Variants in UPRT observed in about 807,000 individuals in gnomAD.
UPRT encodes uracil phosphoribosyltransferase homolog.
Under a neutral mutation model 22.6 loss-of-function variants are expected in UPRT, and 5 were observed. The observed-to-expected ratio is 0.22, with a 90% confidence interval of 0.12 to 0.47. The LOEUF (loss-of-function observed/expected upper bound fraction) is 0.47, where lower values mean the gene tolerates loss of function less well. Among genes scored for constraint, UPRT ranks in the 20% least tolerant of loss-of-function variants. The pLI, the probability that UPRT is intolerant of heterozygous loss-of-function variation, is 0.99. For synonymous variants in UPRT, 77 were observed against 87.7 expected (o/e 0.88, Z 0.68); for missense variants, 181 against 239.9 (o/e 0.75, Z 1.62).
chrX:75,207,155 A>G (rs58440574), intron 4 of UPRT, among the ~76,000 whole-genome samples: 1,637 of 110,860 alleles, frequency 0.015, 27 homozygotes, highest in African/African-American at 0.051. Flanking sequence ...TAGTTAGAAA[A>G]CCCCTTTCCT....
At chrX:75,185,035 T>C (rs1217216859) in intron 4 of UPRT, among the ~76,000 whole-genome samples, 1 of 111,427 alleles carries the variant, frequency 9.0e-6, no homozygotes, top group Non-Finnish European at 1.9e-5. Flanking sequence ...CTGATTGCCC[T>C]GGCCAGAACT....
intron 1 of UPRT, among the ~76,000 whole-genome samples, chrX:75,275,792 C>G (rs1259602233): frequency 9.0e-6 from 1 of 111,247 alleles, no homozygotes; most frequent in Non-Finnish European, 1.9e-5. Context: ...TTACTGTACC[C>G]TCATACTTCT....
rs761841669 is a variant in UPRT, at chrX:75,234,480, T to C, written c.-446-56544T>C. Among the ~76,000 whole-genome samples, 17 of 111,493 alleles carry C rather than the reference T, an allele frequency of 1.5e-4. No homozygotes were observed. The South Asian group carries it at 6.4e-3, about 42-fold the overall frequency. Reference sequence around the variant, plus strand: ...CACTCTACCCCAAATCAACAGAATATACATTTTTTTCAGCACCACACCACA... The same window carrying C: ...CACTCTACCCCAAATCAACAGAATACACATTTTTTTCAGCACCACACCACA... On this transcript the variant is annotated intron_variant, in intron 4 of 13. Transcript: ENST00000652605.
At chrX:75,210,181 T>C (rs1233444328) in intron 4 of UPRT, among the ~76,000 whole-genome samples, 1 of 111,783 alleles carries the variant, frequency 8.9e-6, no homozygotes, top group African/African-American at 3.3e-5. Context: ...AGAAGTTGCC[T>C]GATAATCCCA....
intron 4 of UPRT, among the ~76,000 whole-genome samples, chrX:75,263,402 T>C (rs996182157): frequency 9.0e-6 from 1 of 111,702 alleles, no homozygotes; most frequent in African/African-American, 3.3e-5. Flanking sequence ...TCAGAGCCTG[T>C]TATTGGTCTA....
At chrX:75,274,775 G>GGTGTGTGTGTGT (rs201034223) in intron 1 of UPRT, 135 bp downstream of exon 1, 115 of 361,662 alleles carry the variant, frequency 3.2e-4, no homozygotes, top group African/African-American at 2.7e-3. Flanking sequence ...CCTTTTATTT[G>GGTGTGTGTGTGT]GTGTGTGTGT....
chrX:75,184,238 A>G (rs1469185004), intron 4 of UPRT, among the ~76,000 whole-genome samples: 2 of 112,162 alleles, frequency 1.8e-5, no homozygotes, highest in African/African-American at 6.5e-5. Context: ...AGCTTTCTAC[A>G]TCTGGCTTGC....
chrX:75,239,207 A>G (rs1055609771), intron 4 of UPRT, among the ~76,000 whole-genome samples: 1 of 111,867 alleles, frequency 8.9e-6, no homozygotes, highest in South Asian at 3.7e-4. Flanking sequence ...GTGATAGACC[A>G]TTAGCAAGAT....
At chrX:75,265,869 T>A (rs747059448) in intron 4 of UPRT, among the ~76,000 whole-genome samples, 28 of 111,557 alleles carry the variant, frequency 2.5e-4, no homozygotes, top group African/African-American at 7.8e-4. Context: ...GTGGATGTCC[T>A]TTCTTTTTGT....
At chrX:75,202,747 A>G (rs1289971240) in intron 4 of UPRT, 1 of 112,069 alleles carries the variant, frequency 8.9e-6, no homozygotes, top group Non-Finnish European at 1.9e-5. Flanking sequence ...AAAGATACAG[A>G]GAAGATTAGC....
chrX:75,185,885 T>C (rs1267839266), intron 4 of UPRT, among the ~76,000 whole-genome samples: 13 of 111,906 alleles, frequency 1.2e-4, no homozygotes, highest in Non-Finnish European at 2.4e-4. Context: ...TATCATTTTT[T>C]ACTGTGTCTA....
intron 1 of UPRT, chrX:75,285,284 GC>G (rs2082675364): frequency 9.0e-6 from 1 of 111,403 alleles, no homozygotes; most frequent in African/African-American, 3.3e-5. Flanking sequence ...CTGGATTTGT[GC>G]CCTCCCCCTA....
chrX:75,192,815 G>A (rs1019833786), intron 4 of UPRT, among the ~76,000 whole-genome samples: 2 of 112,030 alleles, frequency 1.8e-5, no homozygotes, highest in African/African-American at 6.5e-5. Flanking sequence ...TTGCTTGGCA[G>A]ATTTTTCTCC....
At chrX:75,198,622 C>T (rs2082339195) in intron 4 of UPRT, among the ~76,000 whole-genome samples, 1 of 111,694 alleles carries the variant, frequency 9.0e-6, no homozygotes, top group Non-Finnish European at 1.9e-5. Flanking sequence ...GAACTGGTAG[C>T]ACTTTTGATA....
chrX:75,169,973 T>C (rs1468503341), intron 4 of UPRT, among the ~76,000 whole-genome samples: 1 of 110,786 alleles, frequency 9.0e-6, no homozygotes, highest in Non-Finnish European at 1.9e-5. Context: ...CATATATTCT[T>C]AGGATTGTGA....
intron 4 of UPRT, among the ~76,000 whole-genome samples, chrX:75,230,800 C>T (rs1033874467): frequency 9.0e-6 from 1 of 111,728 alleles, no homozygotes; most frequent in East Asian, 2.8e-4. Context: ...TACCCCATCA[C>T]CAGCCTAAAT....
chrX:75,177,573 T>C (rs1019412214), intron 4 of UPRT, among the ~76,000 whole-genome samples: 3 of 111,283 alleles, frequency 2.7e-5, no homozygotes, highest in African/African-American at 9.8e-5. Context: ...AAAAATGAAG[T>C]GGAGGGCCAT....
chrX:75,291,488 T>C (rs1032975020), intron 1 of UPRT: 8 of 303,469 alleles, frequency 2.6e-5, no homozygotes, highest in Non-Finnish European at 5.0e-5. Context: ...AACATCCCTG[T>C]TAACAAATAA....
chrX:75,223,717 G>A (rs1286292425), intron 4 of UPRT, among the ~76,000 whole-genome samples: 1 of 111,620 alleles, frequency 9.0e-6, no homozygotes, highest in Non-Finnish European at 1.9e-5. Context: ...ACTGCTGGGG[G>A]ATGGAGGCGG....
Sources: gnomAD v4.1 joint callset for allele counts (sites outside exome capture counted in the v4.1 genomes callset) on GRCh38, gnomAD v4.1.1 for gene constraint, MANE v1.5 for transcripts, NCBI Gene and HGNC (gene_info 2026-07-23, HGNC 2026-07-21) for gene names.